ENTREP2: variants seen among roughly 807,000 people sequenced by gnomAD.
ENTREP2 encodes endosomal transmembrane epsin interactor 2.
the ENTREP2 span, among the ~76,000 whole-genome samples, chr15:29,466,946 A>C: frequency 7.9e-6 from 1 of 126,306 alleles, no homozygotes; most frequent in Non-Finnish European, 1.7e-5. Flanking sequence ...TGCAGCCCCC[A>C]GGGGAGGGCC....
the ENTREP2 span, chr15:29,268,871 G>A: frequency 6.2e-7 from 1 of 1,614,086 alleles, no homozygotes. Context: ...TACTGCGCTG[G>A]CCAGTCCTTG....
the ENTREP2 span, among the ~76,000 whole-genome samples, chr15:29,584,015 C>G: frequency 1.3e-5 from 2 of 151,552 alleles, no homozygotes; most frequent in Non-Finnish European, 2.9e-5. Flanking sequence ...CACAAGCAAC[C>G]AAAGAAAAAA....
the ENTREP2 span, among the ~76,000 whole-genome samples, chr15:29,609,520 C>G: frequency 6.7e-6 from 1 of 149,948 alleles, no homozygotes; most frequent in South Asian, 2.1e-4. Flanking sequence ...TCTCACCTCT[C>G]TTTGCCCTTC....
the ENTREP2 span, among the ~76,000 whole-genome samples, chr15:29,546,489 G>C: frequency 2.0e-5 from 3 of 152,142 alleles, no homozygotes; most frequent in Non-Finnish European, 2.9e-5. Context: ...CTAGAGAAGA[G>C]GAGCCAGATG....
chr15:29,477,177 C>T, the ENTREP2 span, among the ~76,000 whole-genome samples: 2 of 151,928 alleles, frequency 1.3e-5, no homozygotes, highest in East Asian at 3.9e-4. Flanking sequence ...TTGTATGAAT[C>T]CATTTATATA....
At chr15:29,266,294 T>G in the ENTREP2 span, 1 of 152,364 alleles carries the variant, frequency 6.6e-6, no homozygotes, top group South Asian at 2.1e-4. Flanking sequence ...AGGCCAAGTG[T>G]TCACAGGGGG....
the ENTREP2 span, among the ~76,000 whole-genome samples, chr15:29,477,490 T>C: frequency 6.6e-6 from 1 of 152,222 alleles, no homozygotes; most frequent in South Asian, 2.1e-4. Context: ...CTTTGGTTAT[T>C]AGCCCTTAGA....
chr15:29,210,372 C>T, the ENTREP2 span, among the ~76,000 whole-genome samples: 1 of 152,198 alleles, frequency 6.6e-6, no homozygotes, highest in African/African-American at 2.4e-5. Flanking sequence ...GATCAGGGGT[C>T]CCCAAGCCCT....
At chr15:29,302,457 C>T in the ENTREP2 span, among the ~76,000 whole-genome samples, 2 of 152,156 alleles carry the variant, frequency 1.3e-5, no homozygotes, top group Non-Finnish European at 2.9e-5. Flanking sequence ...TATCCTTTGC[C>T]GGCTGAAGCA....
chr15:29,665,667 C>T, the ENTREP2 span, among the ~76,000 whole-genome samples: 4 of 152,154 alleles, frequency 2.6e-5, no homozygotes, highest in Admixed American at 6.5e-5. Flanking sequence ...AACCATTCCT[C>T]ACGCAGGCAG....
At chr15:29,322,947 C>T in the ENTREP2 span, among the ~76,000 whole-genome samples, 8 of 152,244 alleles carry the variant, frequency 5.3e-5, no homozygotes, top group South Asian at 2.1e-4. Flanking sequence ...AGATACCTTT[C>T]GGTTTACGGT....
At chr15:29,601,548 T>C in the ENTREP2 span, among the ~76,000 whole-genome samples, 6 of 152,066 alleles carry the variant, frequency 3.9e-5, no homozygotes, top group African/African-American at 1.2e-4. Context: ...CTTCTGGCTG[T>C]ATATCTAGAG....
the ENTREP2 span, among the ~76,000 whole-genome samples, chr15:29,226,632 G>A: frequency 1.3e-5 from 2 of 152,234 alleles, no homozygotes; most frequent in African/African-American, 2.4e-5. Flanking sequence ...TCAGGATGAG[G>A]AAGCTAAATC....
At chr15:29,599,336 G>A in the ENTREP2 span, among the ~76,000 whole-genome samples, 1 of 152,202 alleles carries the variant, frequency 6.6e-6, no homozygotes, top group Non-Finnish European at 1.5e-5. Context: ...GATTCAAATT[G>A]ATCACAATGG....
At chr15:29,596,112 C>T in the ENTREP2 span, among the ~76,000 whole-genome samples, 1 of 152,256 alleles carries the variant, frequency 6.6e-6, no homozygotes, top group Admixed American at 6.5e-5. Context: ...TAGGCCTGCT[C>T]AGTTGGCAGA....
the ENTREP2 span, among the ~76,000 whole-genome samples, chr15:29,361,161 T>C: frequency 6.6e-6 from 1 of 152,186 alleles, no homozygotes; most frequent in Non-Finnish European, 1.5e-5. Context: ...TGAATCCCAT[T>C]CTCACTGTAA....
the ENTREP2 span, among the ~76,000 whole-genome samples, chr15:29,168,636 T>C: frequency 6.6e-6 from 1 of 152,190 alleles, no homozygotes; most frequent in African/African-American, 2.4e-5. Context: ...AAGTGATTCA[T>C]AGAGAAATCT....
chr15:29,645,548 CTTAT>C, the ENTREP2 span, among the ~76,000 whole-genome samples: 2,703 of 151,356 alleles, frequency 0.018, 81 homozygotes, highest in African/African-American at 0.061. Context: ...ATGTGATTAC[CTTAT>C]TTATTTATTT....
chr15:29,672,606 C>T, the ENTREP2 span, among the ~76,000 whole-genome samples: 2 of 152,076 alleles, frequency 1.3e-5, no homozygotes, highest in African/African-American at 2.4e-5. Flanking sequence ...GCTCTCCATA[C>T]CCACTGCCTA....
Sources: allele counts gnomAD v4.1 joint callset (sites outside exome capture counted in the v4.1 genomes callset), GRCh38; gene constraint gnomAD v4.1.1; transcripts MANE v1.5; gene names NCBI Gene and HGNC (gene_info 2026-07-23, HGNC 2026-07-21).